The following MTREX variants were observed in gnomAD, a reference collection of about 807,000 sequenced individuals.
MTREX encodes exosome RNA helicase MTR4.
MTREX carries 76 observed loss-of-function variants against 135.4 expected under a neutral mutation model. The observed-to-expected ratio is 0.56, with a 90% confidence interval of 0.47 to 0.68. The LOEUF (loss-of-function observed/expected upper bound fraction) is 0.68. Among genes scored for constraint, MTREX ranks in the 30% least tolerant of loss-of-function variants. The pLI, the probability that MTREX is intolerant of heterozygous loss-of-function variation, is 0.00. For synonymous variants in MTREX, 404 were observed against 401.6 expected, an observed-to-expected ratio of 1.01 and a Z score of -0.07; for missense variants, 920 against 1,262.1, an observed-to-expected ratio of 0.73 and a Z score of 4.11.
intron 18 of MTREX, among the ~76,000 whole-genome samples, chr5:55,385,619 A>AT (rs375006125): frequency 9.3e-5 from 14 of 151,032 alleles, no homozygotes; most frequent in Admixed American, 2.7e-4. Context: ...TGAATTTTAG[A>AT]TTTTTTTTTG....
chr5:55,364,410 TCTG>T (rs763197025), intron 15 of MTREX, among the ~76,000 whole-genome samples: 5 of 152,230 alleles, frequency 3.3e-5, no homozygotes, highest in Non-Finnish European at 7.3e-5. Flanking sequence ...TTAACACACT[TCTG>T]CTATGATGTA....
At chr5:55,418,434 C>A (rs980321755) in intron 25 of MTREX, among the ~76,000 whole-genome samples, 2 of 145,460 alleles carry the variant, frequency 1.4e-5, no homozygotes, top group Non-Finnish European at 3.0e-5. Context: ...TGGTTTGTAG[C>A]TCATACTAGA....
chr5:55,425,320 C>T lies in MTREX; in HGVS notation c.*548C>T, dbSNP rs143095107. ...AAGAAGTTCTTTCTTTGAAGAAATCCGATACATATACAGCCTACAGTGCAA... is the reference window on the plus strand; with the variant it reads ...AAGAAGTTCTTTCTTTGAAGAAATCTGATACATATACAGCCTACAGTGCAA... On this transcript the variant is annotated 3_prime_UTR_variant, in exon 27 of 27. Coordinates refer to ENST00000230640, the MANE Select transcript of MTREX (RefSeq NM_015360.5). 354 of 1,603,066 alleles carry T rather than the reference C, an allele frequency of 2.2e-4. No homozygotes were observed. Among genetic ancestry groups the T allele is most frequent in the African/African-American group, 1.6e-3 (116 of 74,648 alleles).
chr5:55,372,892 A>ATGTGTGTGTG (rs59026723), intron 16 of MTREX, among the ~76,000 whole-genome samples: 199 of 120,974 alleles, frequency 1.6e-3, no homozygotes, highest in African/African-American at 3.7e-3. Context: ...TAAAACTGTA[A>ATGTGTGTGTG]TGTGTGTGTG....
rs576750369 is a variant in MTREX at position 55,403,563 on chromosome 5, A to G, written c.2482-1862A>G. Among the ~76,000 whole-genome samples, 24 of 152,360 alleles carry G rather than the reference A, an allele frequency of 1.6e-4. No individual in the cohort carries two copies. The East Asian group carries it at 4.2e-3, about 27-fold the overall frequency. On this transcript the variant is annotated intron_variant, in intron 21 of 26. Coordinates refer to ENST00000230640, the MANE Select transcript of MTREX (RefSeq NM_015360.5). ...TGTCTTAAATATTGGACTCTCTTCT[A>G]CCTTCTAAGCTTTATAAGCCTCACA...
At chr5:55,330,243 GT>G (rs1749453240) in intron 5 of MTREX, among the ~76,000 whole-genome samples, 1 of 151,774 alleles carries the variant, frequency 6.6e-6, no homozygotes, top group South Asian at 2.1e-4. Context: ...GACTGGCTAA[GT>G]TTTTGATTAT....
intron 18 of MTREX, 29 bp downstream of exon 18, chr5:55,379,224 T>C: frequency 7.7e-7 from 1 of 1,301,188 alleles, no homozygotes; most frequent in Non-Finnish European, 1.1e-6. Context: ...ATTAGAATTG[T>C]ATATCAATTT....
At chr5:55,385,209 A>AT (rs1246121759) in intron 18 of MTREX, among the ~76,000 whole-genome samples, 9 of 152,134 alleles carry the variant, frequency 5.9e-5, no homozygotes. Context: ...AAGCAGGGGC[A>AT]TAGGTGGAGG....
At chr5:55,414,869 C>CG (rs1750942354) in intron 24 of MTREX, among the ~76,000 whole-genome samples, 1 of 152,032 alleles carries the variant, frequency 6.6e-6, no homozygotes, top group Non-Finnish European at 1.5e-5. Flanking sequence ...AGGCTGGTCT[C>CG]GAACTCCTGA....
At chr5:55,308,444 C>T (rs779865125) in intron 1 of MTREX, among the ~76,000 whole-genome samples, 1 of 151,662 alleles carries the variant, frequency 6.6e-6, no homozygotes, top group Middle Eastern at 3.2e-3. Flanking sequence ...ACACCTGGCA[C>T]ATAGTCGTTA....
At chr5:55,312,855 T>C (rs976157817) in intron 1 of MTREX, among the ~76,000 whole-genome samples, 2 of 152,190 alleles carry the variant, frequency 1.3e-5, no homozygotes, top group African/African-American at 4.8e-5. Context: ...CTTATGTGTT[T>C]TTTGGATTTT....
At chr5:55,418,688 T>A (rs1026121221) in intron 25 of MTREX, among the ~76,000 whole-genome samples, 3 of 152,152 alleles carry the variant, frequency 2.0e-5, no homozygotes, top group Non-Finnish European at 4.4e-5. Context: ...TGGGATATAC[T>A]ATGTATTCGC....
intron 1 of MTREX, among the ~76,000 whole-genome samples, chr5:55,319,593 TAAG>T (rs1185754929): frequency 1.3e-5 from 2 of 152,206 alleles, no homozygotes; most frequent in Non-Finnish European, 2.9e-5. Context: ...CCTTATGAAC[TAAG>T]AAGAATAACA....
At chr5:55,420,673 A>G (rs1751041106) in intron 25 of MTREX, among the ~76,000 whole-genome samples, 1 of 152,234 alleles carries the variant, frequency 6.6e-6, no homozygotes, top group Admixed American at 6.5e-5. Context: ...ATTCATAGAG[A>G]CAAAGCATAG....
chr5:55,342,196 C>T (rs1561191834), intron 7 of MTREX, among the ~76,000 whole-genome samples: 1 of 152,170 alleles, frequency 6.6e-6, no homozygotes, highest in Non-Finnish European at 1.5e-5. Context: ...AGGCGTGAAC[C>T]GCACCCAGCC....
chr5:55,329,856 A>AT (rs1276064324), intron 5 of MTREX, among the ~76,000 whole-genome samples: 1 of 149,378 alleles, frequency 6.7e-6, no homozygotes, highest in East Asian at 2.0e-4. Flanking sequence ...TTGTTTTTGC[A>AT]TTTTTTTCTT....
rs369064038 is a variant in MTREX at position 55,379,169 on chromosome 5, A to T, written c.2026A>T (p.Asn676Tyr). The change falls in exon 18 of 27, where the codon AAT (asparagine) becomes TAT (tyrosine). Residue 676 changes from asparagine (N) to tyrosine (Y), a missense_variant. By Grantham distance (143) the Asn-to-Tyr change is moderately radical (BLOSUM62 -2). Around this residue, in one of 6 missense-constraint regions of MTREX, gnomAD observed 467 missense variants for 589.7 expected, o/e 0.79. Transcript: ENST00000230640. ...GDDFGWGVVVNFSKKSNVKPN... is the reference protein window; with the variant it reads ...GDDFGWGVVVYFSKKSNVKPN... ...TGACTTTGGCTGGGGAGTAGTGGTG[A>T]ATTTCTCAAAAAAGTCAAATGTTAA... 2.5e-6 allele frequency: 4 copies of T among 1,607,680 alleles called. No individual in the cohort carries two copies. In the African/African-American group the frequency reaches 4.0e-5, roughly 16 times the overall value.
rs763992311 is a variant in MTREX at position 55,423,035 on chromosome 5, A to C, written c.3076+53A>C. 2.1e-6 allele frequency: 3 copies of C among 1,415,996 alleles called. No individual in the cohort carries two copies. The South Asian group carries it at 3.6e-5, about 17-fold the overall frequency. 87.7% of individuals were successfully genotyped at this position (1,415,996 alleles called of 1,614,324 possible). ...TAATTTAGACAAATTTGGTGAAGCA[A>C]ATCTTGAGCCCTGGACCACAACCTA... On this transcript the variant is annotated intron_variant, in intron 26 of 26. Coordinates refer to ENST00000230640, the MANE Select transcript of MTREX (RefSeq NM_015360.5).
At position 55,345,158 on chromosome 5, in the gene MTREX, C is replaced by G. The variant is rs1749709540; in HGVS notation, c.1070C>G (p.Ala357Gly). 1 of 1,612,982 alleles carries G rather than the reference C, an allele frequency of 6.2e-7. No homozygotes were observed. Among genetic ancestry groups the G allele is most frequent in the African/African-American group, 1.3e-5 (1 of 74,922 alleles). ...MQVLRDAGDL[A>G]KGDQKGRKGG... ...GTGCTTCGAGATGCAGGTGATTTGGCCAAAGGAGACCAGAAAGGGCGGAAA... is the reference window on the plus strand; with the variant it reads ...GTGCTTCGAGATGCAGGTGATTTGGGCAAAGGAGACCAGAAAGGGCGGAAA... The change falls in exon 10 of 27, where the codon GCC becomes GGC. Residue 357 changes from alanine to glycine, a missense_variant. Around this residue, in one of 6 missense-constraint regions of MTREX, gnomAD observed 101 missense variants for 119.1 expected, o/e 0.85. Transcript: ENST00000230640.
Sources: gnomAD v4.1 joint callset for allele counts (sites outside exome capture counted in the v4.1 genomes callset) on GRCh38, gnomAD v4.1.1 for gene constraint, gnomAD v4.1.1 regional missense constraint, MANE v1.5 for transcripts, NCBI Gene and HGNC (gene_info 2026-07-23, HGNC 2026-07-21) for gene names.